Variants in ZFYVE28 observed in about 807,000 individuals in gnomAD.
ZFYVE28 encodes the protein lateral signaling target protein 2 homolog.
Under a neutral mutation model 82.1 loss-of-function variants are expected in ZFYVE28, and 40 were observed. The observed-to-expected ratio is 0.49, with a 90% CI of 0.38 to 0.63. ZFYVE28 has a LOEUF of 0.63. ZFYVE28 is among the 30% of genes least tolerant of loss of function. The probability of loss-of-function intolerance (pLI) is 0.00; values close to 1 mark genes in which losing one functional copy is unlikely to be tolerated. For synonymous variants in ZFYVE28, 612 were observed against 546.1 expected (o/e 1.12, Z -1.68); for missense variants, 1,321 against 1,242.1 (o/e 1.06, Z -0.96).
Position 2,274,059 on chromosome 4 carries a change from C to T in ZFYVE28, c.2206+3G>A. The T allele has an allele frequency of 6.2e-7, 1 of 1,613,870 alleles. No individual in the cohort carries two copies. Among genetic ancestry groups the T allele is most frequent in the South Asian group, 1.1e-5 (1 of 91,058 alleles). Reference sequence around the variant, plus strand: ...GCACCGGTCTCAGGCCCTGACATGACACCTGAAATGCAGACGAACAGGCGG... The same window carrying T: ...GCACCGGTCTCAGGCCCTGACATGATACCTGAAATGCAGACGAACAGGCGG... On this transcript the variant is annotated splice_donor_region_variant and intron_variant, in intron 9 of 12. Transcript: ENST00000290974.
At chr4:2,382,323 A>G (rs1229925969) in intron 1 of ZFYVE28, among the ~76,000 whole-genome samples, 1 of 152,208 alleles carries the variant, frequency 6.6e-6, no homozygotes, top group East Asian at 1.9e-4. Context: ...AACAGCTTGC[A>G]CCATTTGCCT....
At chr4:2,313,076 T>A (rs1717716427) in intron 7 of ZFYVE28, among the ~76,000 whole-genome samples, 1 of 151,216 alleles carries the variant, frequency 6.6e-6, no homozygotes, top group Non-Finnish European at 1.5e-5. Flanking sequence ...GTGTTTTGCC[T>A]AATTTATCAT....
chr4:2,382,967 T>C (rs1248748243), intron 1 of ZFYVE28, among the ~76,000 whole-genome samples: 1 of 152,030 alleles, frequency 6.6e-6, no homozygotes, highest in Non-Finnish European at 1.5e-5. Flanking sequence ...TTATTCACTA[T>C]CACGAGAAAA....
intron 7 of ZFYVE28, among the ~76,000 whole-genome samples, chr4:2,312,355 T>C (rs1275554923): frequency 6.6e-6 from 1 of 151,830 alleles, no homozygotes; most frequent in African/African-American, 2.4e-5. Context: ...CTGGGCAACA[T>C]AGTGTGATCC....
intron 1 of ZFYVE28, among the ~76,000 whole-genome samples, chr4:2,358,176 A>G (rs1315501225): frequency 6.6e-6 from 1 of 152,182 alleles, no homozygotes; most frequent in Non-Finnish European, 1.5e-5. Flanking sequence ...ACATGTACAC[A>G]CATGCACCTG....
intron 1 of ZFYVE28, among the ~76,000 whole-genome samples, chr4:2,355,976 G>T (rs536711321): frequency 6.6e-6 from 1 of 152,240 alleles, no homozygotes; most frequent in Admixed American, 6.5e-5. Flanking sequence ...TGCGCTGGCC[G>T]TGTTCCCCAC....
At chr4:2,293,010 T>C (rs960519620) in intron 8 of ZFYVE28, among the ~76,000 whole-genome samples, 1 of 151,998 alleles carries the variant, frequency 6.6e-6, no homozygotes, top group African/African-American at 2.4e-5. Context: ...TTGTGACTTA[T>C]TACATTAATA....
intron 1 of ZFYVE28, among the ~76,000 whole-genome samples, chr4:2,371,918 C>A (rs1331039571): frequency 6.6e-6 from 1 of 152,046 alleles, no homozygotes; most frequent in Non-Finnish European, 1.5e-5. Context: ...GGGCCGTGAG[C>A]TGATGGCCGT....
intron 1 of ZFYVE28, among the ~76,000 whole-genome samples, chr4:2,412,773 C>T (rs1028767536): frequency 6.6e-6 from 1 of 152,158 alleles, no homozygotes; most frequent in Non-Finnish European, 1.5e-5. Context: ...CAAGCACATC[C>T]GGTATTCTGG....
intron 1 of ZFYVE28, among the ~76,000 whole-genome samples, chr4:2,373,466 C>T (rs1223049705): frequency 6.6e-6 from 1 of 152,030 alleles, no homozygotes; most frequent in Non-Finnish European, 1.5e-5. Flanking sequence ...GCCACTGCCA[C>T]TGCACTCCAG....
intron 1 of ZFYVE28, among the ~76,000 whole-genome samples, chr4:2,403,421 G>A (rs1054489275): frequency 6.6e-6 from 1 of 152,270 alleles, no homozygotes; most frequent in Non-Finnish European, 1.5e-5. Flanking sequence ...AATTCTCGGA[G>A]CACGGCCCTG....
At chr4:2,361,802 A>G (rs1726201491) in intron 1 of ZFYVE28, among the ~76,000 whole-genome samples, 1 of 152,178 alleles carries the variant, frequency 6.6e-6, no homozygotes, top group Non-Finnish European at 1.5e-5. Context: ...TGTTTGCCAA[A>G]TATGACATAA....
At chr4:2,342,632 G>C (rs1225756188) in intron 2 of ZFYVE28, 1 of 152,166 alleles carries the variant, frequency 6.6e-6, no homozygotes, top group Non-Finnish European at 1.5e-5. Context: ...AAGTATAACA[G>C]AGTGTTTTGA....
chr4:2,391,524 T>C (rs1448772888), intron 1 of ZFYVE28, among the ~76,000 whole-genome samples: 3 of 151,330 alleles, frequency 2.0e-5, no homozygotes, highest in African/African-American at 7.3e-5. Context: ...TTCACCCTTT[T>C]TAAGTCTACA....
chr4:2,379,745 TTACA>T (rs992332576), intron 1 of ZFYVE28, among the ~76,000 whole-genome samples: 7 of 152,204 alleles, frequency 4.6e-5, no homozygotes, highest in Admixed American at 4.6e-4. Context: ...TATATCAATA[TTACA>T]TATTTATAAA....
chr4:2,279,717 C>G (rs892955534), intron 8 of ZFYVE28, among the ~76,000 whole-genome samples: 7 of 149,722 alleles, frequency 4.7e-5, no homozygotes, highest in Non-Finnish European at 7.4e-5. Context: ...GGAGGCGGAG[C>G]TTGCAGTGAG....
At chr4:2,364,751 G>T (rs1726639429) in intron 1 of ZFYVE28, 4 of 985,414 alleles carry the variant, frequency 4.1e-6, no homozygotes, top group Non-Finnish European at 4.8e-6. Context: ...ATAACGTTGT[G>T]CATTCCCGCC....
At position 2,354,621 on chromosome 4, in the gene ZFYVE28, G is replaced by A. The variant is rs560970884; in HGVS notation, c.40-548C>T. ...TTATAGGTGCCCGCTGTCATGCCTG[G>A]ATAATTTTTGTATTTTTAGTAGAGA... is the stretch of plus-strand genomic sequence containing the variant. On this transcript the variant is annotated intron_variant, in intron 1 of 12. Transcript: ENST00000290974. Among the ~76,000 whole-genome samples the A allele has an allele frequency of 3.3e-5, 5 of 152,178 alleles. No individual in the cohort carries two copies. The South Asian group carries it at 1.0e-3, about 32-fold the overall frequency.
chr4:2,327,309 T>G (rs1387449855), intron 6 of ZFYVE28, among the ~76,000 whole-genome samples: 1 of 69,674 alleles, frequency 1.4e-5, no homozygotes. Flanking sequence ...TATATATATA[T>G]CGAATAAAGT....
Sources: allele counts gnomAD v4.1 joint callset (sites outside exome capture counted in the v4.1 genomes callset), GRCh38; gene constraint gnomAD v4.1.1; transcripts MANE v1.5; gene names NCBI Gene and HGNC (gene_info 2026-07-23, HGNC 2026-07-21).